ZPBP: variants seen among roughly 807,000 people sequenced by gnomAD.
The protein encoded by ZPBP is zona pellucida-binding protein 1.
In ZPBP, 26 loss-of-function variants were observed where a neutral mutation model predicts 44.8. The observed-to-expected ratio is 0.58, with a 90% confidence interval of 0.43 to 0.81. The LOEUF is 0.81. Among genes scored for constraint, ZPBP ranks in the 30% least tolerant of loss-of-function variants. ZPBP has a pLI of 0.00. For missense variants in ZPBP, 409 were observed against 434.0 expected (o/e 0.94, Z 0.51); for synonymous variants, 174 against 153.2 (o/e 1.14, Z -1.00).
chr7:49,853,445 G>T (rs966917582), intron 2 of ZPBP, among the ~76,000 whole-genome samples: 19 of 152,290 alleles, frequency 1.2e-4, no homozygotes, highest in Non-Finnish European at 2.6e-4. Context: ...GGGCATCGGG[G>T]CATATTAGGG....
intron 1 of ZPBP, chr7:49,917,319 T>A (rs1324944304): frequency 1.3e-5 from 2 of 152,202 alleles, no homozygotes; most frequent in African/African-American, 2.4e-5. Flanking sequence ...ATTTGGCTAA[T>A]TTTTAAATGA....
intron 1 of ZPBP, among the ~76,000 whole-genome samples, chr7:49,931,234 G>C (rs1480759819): frequency 6.6e-6 from 1 of 152,184 alleles, no homozygotes. Context: ...GGTACTGGGA[G>C]TGGGGCACTG....
chr7:49,924,171 A>T (rs138961837), intron 1 of ZPBP, among the ~76,000 whole-genome samples: 1,717 of 151,320 alleles, frequency 0.011, 32 homozygotes, highest in African/African-American at 0.039. Flanking sequence ...AACGTTATAA[A>T]ATGGTAAAAG....
intron 1 of ZPBP, among the ~76,000 whole-genome samples, chr7:49,909,898 G>A (rs988311537): frequency 6.6e-6 from 1 of 152,064 alleles, no homozygotes; most frequent in African/African-American, 2.4e-5. Context: ...GAGCCCAGGA[G>A]TTTGAGACCA....
rs187376041 is a variant in ZPBP, at chr7:49,992,251, G to A, written c.784-8732C>T. ...GTAAATGATGAAATGAAGAAACATC[G>A]AAGCCACACCAGCCAAATTAGATCA... On this transcript the variant is annotated intron_variant, in intron 6 of 7. Transcript: ENST00000046087. Among the ~76,000 whole-genome samples, 487 of 151,976 alleles carry A rather than the reference G, an allele frequency of 3.2e-3. 6 individuals are homozygous for A. The highest frequency in any genetic ancestry group is 0.011 in the African/African-American group (450 of 41,460).
intron 2 of ZPBP, among the ~76,000 whole-genome samples, chr7:49,886,758 G>T (rs1174781871): frequency 3.9e-5 from 6 of 152,132 alleles, no homozygotes; most frequent in East Asian, 1.9e-4. Flanking sequence ...TTTCGATTCA[G>T]CCTTTCTGAA....
At chr7:49,893,724 G>A (rs1456612918) in intron 2 of ZPBP, among the ~76,000 whole-genome samples, 2 of 151,784 alleles carry the variant, frequency 1.3e-5, no homozygotes, top group East Asian at 3.9e-4. Context: ...TACAATAGAT[G>A]TTGATTCCTC....
chr7:49,854,292 T>A (rs1790324475), intron 2 of ZPBP, among the ~76,000 whole-genome samples: 1 of 152,172 alleles, frequency 6.6e-6, no homozygotes, highest in South Asian at 2.1e-4. Flanking sequence ...ATTGCCACAC[T>A]CTTCCACAAT....
At chr7:49,925,664 A>G (rs73113240) in intron 1 of ZPBP, among the ~76,000 whole-genome samples, 1 of 152,122 alleles carries the variant, frequency 6.6e-6, no homozygotes, top group Non-Finnish European at 1.5e-5. Context: ...CACACTTTGC[A>G]CTCATGTCCA....
At chr7:50,003,953 C>T (rs567317128) in intron 6 of ZPBP, among the ~76,000 whole-genome samples, 2 of 152,082 alleles carry the variant, frequency 1.3e-5, no homozygotes, top group South Asian at 2.1e-4. Context: ...TAAAAGAGAA[C>T]ATGGATAGAT....
chr7:49,954,677 G>GA (rs1795494484), intron 7 of ZPBP, among the ~76,000 whole-genome samples: 1 of 152,072 alleles, frequency 6.6e-6, no homozygotes, highest in Non-Finnish European at 1.5e-5. Context: ...AAGTGATCAG[G>GA]AAAAAATAGC....
intron 4 of ZPBP, among the ~76,000 whole-genome samples, chr7:50,036,320 T>C (rs920814286): frequency 6.6e-6 from 1 of 152,148 alleles, no homozygotes; most frequent in Non-Finnish European, 1.5e-5. Context: ...AGCTGGCTAC[T>C]TTTTTCTTTT....
At chr7:49,995,566 C>G (rs1291483347) in intron 6 of ZPBP, among the ~76,000 whole-genome samples, 1 of 152,228 alleles carries the variant, frequency 6.6e-6, no homozygotes, top group Non-Finnish European at 1.5e-5. Context: ...AAATGCGGAT[C>G]ACCACATCTG....
chr7:50,090,607 ATATATGTG>A (rs1366076776), intron 1 of ZPBP, among the ~76,000 whole-genome samples: 1 of 4,498 alleles, frequency 2.2e-4, no homozygotes, highest in African/African-American at 7.2e-4. Context: ...ATATATGCGT[ATATATGTG>A]TATATATGTG....
At chr7:49,861,467 C>T (rs1473110675) in intron 2 of ZPBP, among the ~76,000 whole-genome samples, 1 of 152,112 alleles carries the variant, frequency 6.6e-6, no homozygotes, top group African/African-American at 2.4e-5. Context: ...GATAAAATAT[C>T]CCATTATGCA....
chr7:49,958,077 C>A (rs543640841), intron 7 of ZPBP, among the ~76,000 whole-genome samples: 1 of 152,278 alleles, frequency 6.6e-6, no homozygotes, highest in Admixed American at 6.5e-5. Flanking sequence ...TTTCTTCTTG[C>A]CTATTTCTCC....
At chr7:49,980,234 A>G (rs1215395543) in intron 7 of ZPBP, among the ~76,000 whole-genome samples, 2 of 124,160 alleles carry the variant, frequency 1.6e-5, no homozygotes, top group Non-Finnish European at 3.2e-5. Flanking sequence ...TATAATATAA[A>G]TATATAATAT....
chr7:49,980,489 T>A (rs1308992700), intron 7 of ZPBP, among the ~76,000 whole-genome samples: 1 of 151,592 alleles, frequency 6.6e-6, no homozygotes, highest in Non-Finnish European at 1.5e-5. Flanking sequence ...AAACGTTTAT[T>A]TGTCTCACGA....
At chr7:49,853,280 C>G (rs1790271742) in intron 2 of ZPBP, among the ~76,000 whole-genome samples, 1 of 152,210 alleles carries the variant, frequency 6.6e-6, no homozygotes, top group Admixed American at 6.5e-5. Context: ...CTGTAGTCTC[C>G]CTTAGGAACC....
Sources: gnomAD v4.1 joint callset for allele counts (sites outside exome capture counted in the v4.1 genomes callset) on GRCh38, gnomAD v4.1.1 for gene constraint, MANE v1.5 for transcripts, NCBI Gene and HGNC (gene_info 2026-07-23, HGNC 2026-07-21) for gene names.